SRGAP1: variants seen among roughly 807,000 people sequenced by gnomAD.
SRGAP1 encodes SLIT-ROBO Rho GTPase-activating protein 1.
SRGAP1 carries 43 observed loss-of-function variants against 121.9 expected under a neutral mutation model. The ratio of observed to expected loss-of-function variants is 0.35; its 90% CI spans 0.28 to 0.46. SRGAP1 has a LOEUF of 0.46. Among genes scored for constraint, SRGAP1 ranks in the 20% least tolerant of loss-of-function variants. The pLI, the probability that SRGAP1 is intolerant of heterozygous loss-of-function variation, is 1.00. For synonymous variants in SRGAP1, 447 were observed against 485.4 expected, an observed-to-expected ratio of 0.92 and a Z score of 1.04; for missense variants, 1,102 against 1,350.9, an observed-to-expected ratio of 0.82 and a Z score of 2.89.
At chr12:64,116,389 C>CACGG (rs1383860197) in intron 18 of SRGAP1, among the ~76,000 whole-genome samples, 1 of 152,024 alleles carries the variant, frequency 6.6e-6, no homozygotes, top group Non-Finnish European at 1.5e-5. Flanking sequence ...GTTTCCTTTG[C>CACGG]ACTTCCCTGA....
chr12:64,095,044 T>G (rs1423422105), intron 13 of SRGAP1, 52 bp downstream of exon 13: 5 of 1,609,796 alleles, frequency 3.1e-6, no homozygotes, highest in Admixed American at 3.3e-5. Context: ...CTTGAAGTGT[T>G]TCAGTAAATT....
rs1899957620 is a variant in SRGAP1, at chr12:63,874,306, C to T, written c.67+29423C>T. Among the ~76,000 whole-genome samples the T allele has an allele frequency of 2.0e-5, 3 of 152,024 alleles. No homozygotes were observed. In the South Asian group the frequency reaches 6.2e-4, roughly 32 times the overall value. On this transcript the variant is annotated intron_variant, in intron 1 of 21. Transcript: ENST00000355086. Reference sequence around the variant, plus strand: ...GCAAGCTCCGCCTCCTGGGTTCACACCATTCTCCTGCGTCATCCTCCCGAG... The same window carrying T: ...GCAAGCTCCGCCTCCTGGGTTCACATCATTCTCCTGCGTCATCCTCCCGAG...
chr12:64,069,443 T>G (rs2035601122), intron 8 of SRGAP1, among the ~76,000 whole-genome samples: 1 of 152,170 alleles, frequency 6.6e-6, no homozygotes. Context: ...GAGGTTTGAG[T>G]TTTATTTTAT....
chr12:64,131,108 C>A (rs1401296305), intron 21 of SRGAP1, among the ~76,000 whole-genome samples: 3 of 152,164 alleles, frequency 2.0e-5, no homozygotes, highest in African/African-American at 7.2e-5. Context: ...TGTTCATGGG[C>A]CCATTGAGCA....
chr12:64,062,430 A>G (rs1227612645), intron 6 of SRGAP1, among the ~76,000 whole-genome samples: 2 of 152,132 alleles, frequency 1.3e-5, no homozygotes, highest in Non-Finnish European at 2.9e-5. Context: ...TATATATTCT[A>G]GATATAAGTA....
At chr12:63,895,292 A>G (rs888088061) in intron 1 of SRGAP1, among the ~76,000 whole-genome samples, 1 of 152,206 alleles carries the variant, frequency 6.6e-6, no homozygotes, top group Non-Finnish European at 1.5e-5. Context: ...CATTCAAAGT[A>G]TATTTCTTGG....
intron 6 of SRGAP1, among the ~76,000 whole-genome samples, chr12:64,044,674 CTTTTTTTTTTTT>C (rs558248193): frequency 5.5e-5 from 4 of 72,118 alleles, no homozygotes; most frequent in Admixed American, 3.6e-4. Flanking sequence ...TGATGTGCCT[CTTTTTTTTTTTT>C]TTTTTTTTTT....
At chr12:63,981,850 TTTC>T (rs1388257781) in intron 1 of SRGAP1, among the ~76,000 whole-genome samples, 1 of 152,200 alleles carries the variant, frequency 6.6e-6, no homozygotes, top group East Asian at 1.9e-4. Context: ...TTAGTTATTG[TTTC>T]TTCTTTGCCG....
intron 1 of SRGAP1, among the ~76,000 whole-genome samples, chr12:63,845,355 A>G (rs1898868888): frequency 6.6e-6 from 1 of 152,048 alleles, no homozygotes; most frequent in East Asian, 1.9e-4. Flanking sequence ...TATTTACACC[A>G]CTCACCTATT....
chr12:64,072,327 T>C (rs2035657228), intron 8 of SRGAP1, among the ~76,000 whole-genome samples: 1 of 152,078 alleles, frequency 6.6e-6, no homozygotes, highest in South Asian at 2.1e-4. Context: ...TGAATAGGAC[T>C]GCATCAGGTG....
chr12:63,882,468 A>C (rs1351301288), intron 1 of SRGAP1, among the ~76,000 whole-genome samples: 2 of 152,106 alleles, frequency 1.3e-5, no homozygotes, highest in African/African-American at 4.8e-5. Context: ...TTTTTAGTAG[A>C]GACGGGGGTT....
chr12:64,102,616 C>T (rs1260202521), intron 15 of SRGAP1, among the ~76,000 whole-genome samples: 9 of 152,136 alleles, frequency 5.9e-5, no homozygotes, highest in South Asian at 2.1e-4. Context: ...ATCTACTTTC[C>T]GTCTCTATAG....
intron 21 of SRGAP1, among the ~76,000 whole-genome samples, chr12:64,132,447 C>T (rs978746523): frequency 6.6e-6 from 1 of 152,166 alleles, no homozygotes; most frequent in African/African-American, 2.4e-5. Context: ...GATAAATGGG[C>T]CAGAGTAACA....
At chr12:64,061,937 G>C (rs1413620436) in intron 6 of SRGAP1, among the ~76,000 whole-genome samples, 1 of 152,088 alleles carries the variant, frequency 6.6e-6, no homozygotes, top group Non-Finnish European at 1.5e-5. Context: ...TTAGTTTGTA[G>C]ACATTTAGAT....
chr12:63,872,801 G>A (rs1348235028), intron 1 of SRGAP1, among the ~76,000 whole-genome samples: 1 of 152,144 alleles, frequency 6.6e-6, no homozygotes, highest in Non-Finnish European at 1.5e-5. Context: ...TTATATCCTG[G>A]TTTTAAAGTT....
chr12:63,901,558 A>G lies in SRGAP1; in HGVS notation c.67+56675A>G, dbSNP rs181388269. Among the ~76,000 whole-genome samples the G allele has an allele frequency of 1.1e-3, 174 of 152,336 alleles. 3 individuals are homozygous for G. In the South Asian group the frequency reaches 0.021, roughly 18 times the overall value. The stretch of plus-strand genomic sequence containing the variant: ...TGTTCCTGCTCAGCCTGAGCGCTCC[A>G]TAATCTTGGCCTATCCATCATTGAC... On this transcript the variant is annotated intron_variant, in intron 1 of 21. Coordinates refer to ENST00000355086, the MANE Select transcript of SRGAP1 (RefSeq NM_020762.4).
At chr12:63,879,751 C>T (rs892521405) in intron 1 of SRGAP1, among the ~76,000 whole-genome samples, 7 of 152,166 alleles carry the variant, frequency 4.6e-5, no homozygotes, top group African/African-American at 1.2e-4. Flanking sequence ...ATCCCTTCTA[C>T]CTCAAAAGTA....
At chr12:64,054,359 T>G (rs2035298305) in intron 6 of SRGAP1, among the ~76,000 whole-genome samples, 1 of 152,194 alleles carries the variant, frequency 6.6e-6, no homozygotes, top group Non-Finnish European at 1.5e-5. Context: ...CTGCCATCCT[T>G]TTTTATCTTT....
rs1380552491 is a variant in SRGAP1, at chr12:64,148,845, C to T, written c.*6173C>T. On this transcript the variant is annotated 3_prime_UTR_variant, in exon 22 of 22. Transcript: ENST00000355086. The stretch of plus-strand genomic sequence containing the variant: ...CCCAGTTTAAGCAATAGCACATTAT[C>T]AGCATCCCAGAAGCTACTGTGCTCA... 1.3e-5 allele frequency: 2 copies of T among 152,248 alleles called. No homozygotes were observed. The highest frequency in any genetic ancestry group is 4.8e-5 in the African/African-American group (2 of 41,460). 9.4% of individuals were successfully genotyped at this position (152,248 alleles called of 1,614,324 possible).
Sources: allele counts gnomAD v4.1 joint callset (sites outside exome capture counted in the v4.1 genomes callset), GRCh38; gene constraint gnomAD v4.1.1; transcripts MANE v1.5; gene names NCBI Gene and HGNC (gene_info 2026-07-23, HGNC 2026-07-21).